SBF2: variants seen among roughly 807,000 people sequenced by gnomAD.
SBF2 encodes the protein SET binding factor 2.
Under a neutral mutation model 225.2 loss-of-function variants are expected in SBF2, and 112 were observed. The ratio of observed to expected loss-of-function variants is 0.50; its 90% CI spans 0.43 to 0.58. SBF2 has a LOEUF of 0.58. Among genes scored for constraint, SBF2 ranks in the 20% least tolerant of loss-of-function variants. SBF2 has a pLI of 0.00. For missense variants in SBF2, 1,996 were observed against 2,206.2 expected, an observed-to-expected ratio of 0.90 and a Z score of 1.91; for synonymous variants, 763 against 773.3, an observed-to-expected ratio of 0.99 and a Z score of 0.22.
rs1964352389 is a variant in SBF2, at chr11:10,294,019, C to T, written c.51G>A (p.Lys17=). ...YFIVVGYDHE[K]PGSGEGLGKI... is the part of the protein sequence containing the mutation. ...GGTGCCGCCCCACACCCTTACCTGGCTTCTCGTGGTCATAGCCTACCACGA... is the reference window on the plus strand; with the variant it reads ...GGTGCCGCCCCACACCCTTACCTGGTTTCTCGTGGTCATAGCCTACCACGA... The change falls in exon 1 of 40, where the codon AAG becomes AAA. Residue 17 remains lysine (K), a synonymous_variant. Coordinates refer to ENST00000256190, the MANE Select transcript of SBF2 (RefSeq NM_030962.4). 2 of 1,402,390 alleles carry T rather than the reference C, an allele frequency of 1.4e-6. No individual in the cohort carries two copies. Among genetic ancestry groups the T allele is most frequent in the Non-Finnish European group, 1.9e-6 (2 of 1,072,082 alleles). 86.9% of individuals were successfully genotyped at this position (1,402,390 alleles called of 1,614,324 possible).
chr11:10,046,823 C>CA (rs1949881522), intron 2 of SBF2, among the ~76,000 whole-genome samples: 1 of 117,630 alleles, frequency 8.5e-6, no homozygotes, highest in Non-Finnish European at 1.8e-5. Context: ...AGGAAAGAAA[C>CA]AAAACTGCTT....
At chr11:9,782,436 G>A (rs543612874) in intron 38 of SBF2, among the ~76,000 whole-genome samples, 5 of 152,188 alleles carry the variant, frequency 3.3e-5, no homozygotes, top group Admixed American at 3.3e-4. Context: ...TTTGGATTGA[G>A]AAATATTAAA....
chr11:9,871,841 C>T (rs1356744700), intron 17 of SBF2, among the ~76,000 whole-genome samples: 1 of 151,946 alleles, frequency 6.6e-6, no homozygotes, highest in Non-Finnish European at 1.5e-5. Context: ...TGAGGTTGCA[C>T]AGTATAGGAA....
chr11:10,162,266 G>A (rs1440305315), intron 2 of SBF2, among the ~76,000 whole-genome samples: 1 of 151,510 alleles, frequency 6.6e-6, no homozygotes, highest in Non-Finnish European at 1.5e-5. Flanking sequence ...TCTGTTACAG[G>A]CATTTAGTTG....
At chr11:9,914,224 C>T (rs905956381) in intron 16 of SBF2, among the ~76,000 whole-genome samples, 10 of 152,050 alleles carry the variant, frequency 6.6e-5, no homozygotes, top group African/African-American at 1.7e-4. Context: ...CAAGAATAGA[C>T]GGACAATATA....
At chr11:9,994,091 T>C in intron 9 of SBF2, 93 bp from the exon 10 acceptor site, 1 of 939,584 alleles carries the variant, frequency 1.1e-6, no homozygotes, top group Non-Finnish European at 1.7e-6. Flanking sequence ...ATATGAATTA[T>C]AATATATTCC....
At chr11:10,198,475 A>G (rs1957457216) in intron 1 of SBF2, among the ~76,000 whole-genome samples, 1 of 152,218 alleles carries the variant, frequency 6.6e-6, no homozygotes, top group Non-Finnish European at 1.5e-5. Context: ...CCATTTACAG[A>G]GCACAGACAG....
chr11:10,139,031 C>T (rs562713966), intron 2 of SBF2, among the ~76,000 whole-genome samples: 205 of 152,136 alleles, frequency 1.3e-3, no homozygotes, highest in African/African-American at 4.5e-3. Flanking sequence ...ATGTAAGAAA[C>T]TAACTCATAT....
chr11:10,205,572 G>A (rs1957724658), intron 1 of SBF2, among the ~76,000 whole-genome samples: 1 of 151,984 alleles, frequency 6.6e-6, no homozygotes, highest in Non-Finnish European at 1.5e-5. Flanking sequence ...ACAGAAGGCA[G>A]CCAAGGTAGG....
At chr11:9,938,794 TTGA>T (rs1865064720) in intron 16 of SBF2, among the ~76,000 whole-genome samples, 1 of 151,960 alleles carries the variant, frequency 6.6e-6, no homozygotes, top group African/African-American at 2.4e-5. Flanking sequence ...CATATATATC[TTGA>T]TGAAGAAAAT....
At chr11:10,083,497 T>C (rs1261013615) in intron 2 of SBF2, among the ~76,000 whole-genome samples, 1 of 152,114 alleles carries the variant, frequency 6.6e-6, no homozygotes, top group East Asian at 1.9e-4. Context: ...AAGGCTATAA[T>C]AACCAAAACA....
intron 2 of SBF2, among the ~76,000 whole-genome samples, chr11:10,148,697 AC>A (rs1955009752): frequency 6.6e-6 from 1 of 152,046 alleles, no homozygotes; most frequent in Admixed American, 6.6e-5. Flanking sequence ...CTCCCTCTGT[AC>A]AAAACACATA....
intron 1 of SBF2, among the ~76,000 whole-genome samples, chr11:10,275,684 A>G (rs549735538): frequency 1.3e-5 from 2 of 152,236 alleles, no homozygotes; most frequent in African/African-American, 4.8e-5. Flanking sequence ...GAATCTTAAA[A>G]CAAAACAAAA....
At chr11:9,997,445 T>C (rs1209549877) in intron 9 of SBF2, among the ~76,000 whole-genome samples, 1 of 152,204 alleles carries the variant, frequency 6.6e-6, no homozygotes, top group Non-Finnish European at 1.5e-5. Flanking sequence ...GAATGTAGCA[T>C]ATACTTCTTC....
chr11:9,894,948 C>T (rs1195808707), intron 17 of SBF2, among the ~76,000 whole-genome samples: 1 of 152,118 alleles, frequency 6.6e-6, no homozygotes, highest in Admixed American at 6.5e-5. Context: ...AGCCATTGCA[C>T]TCTAGCCTGG....
At chr11:9,869,286 C>CA (rs1213378914) in intron 17 of SBF2, among the ~76,000 whole-genome samples, 1 of 152,062 alleles carries the variant, frequency 6.6e-6, no homozygotes, top group Admixed American at 6.6e-5. Flanking sequence ...CAAACCCTCC[C>CA]AAAAAATCTA....
intron 16 of SBF2, among the ~76,000 whole-genome samples, chr11:9,908,622 G>A (rs1035933757): frequency 1.9e-4 from 29 of 151,874 alleles, no homozygotes; most frequent in Non-Finnish European, 3.2e-4. Flanking sequence ...GCGAGACTCC[G>A]TCTCAAAAAA....
At chr11:10,225,203 A>G (rs1380836954) in intron 1 of SBF2, among the ~76,000 whole-genome samples, 1 of 152,140 alleles carries the variant, frequency 6.6e-6, no homozygotes, top group Non-Finnish European at 1.5e-5. Flanking sequence ...TAAGAAACTC[A>G]ACAAATCACT....
intron 16 of SBF2, among the ~76,000 whole-genome samples, chr11:9,920,325 A>C (rs1472117231): frequency 1.3e-5 from 2 of 152,068 alleles, no homozygotes; most frequent in African/African-American, 2.4e-5. Context: ...AAGTTGTATA[A>C]CTGAGCTTTG....
Sources: gnomAD v4.1 joint callset for allele counts (sites outside exome capture counted in the v4.1 genomes callset) on GRCh38, gnomAD v4.1.1 for gene constraint, MANE v1.5 for transcripts, NCBI Gene and HGNC (gene_info 2026-07-23, HGNC 2026-07-21) for gene names.